The following SMS variants were observed in gnomAD, a reference collection of about 807,000 sequenced individuals.
The protein encoded by SMS is spermidine aminopropyltransferase.
In SMS, 3 loss-of-function variants were observed where a neutral mutation model predicts 33.0. The ratio of observed to expected loss-of-function variants is 0.09; its 90% CI spans 0.04 to 0.23. SMS has a LOEUF of 0.23. SMS is among the 10% of genes least tolerant of loss of function. The pLI is 1.00. For synonymous variants in SMS, 103 were observed against 112.2 expected (o/e 0.92, Z 0.52); for missense variants, 117 against 288.6 (o/e 0.41, Z 4.31).
chrX:21,951,078 C>T (rs1351983828), intron 1 of SMS, among the ~76,000 whole-genome samples: 2 of 112,132 alleles, frequency 1.8e-5, no homozygotes, highest in African/African-American at 3.2e-5. Flanking sequence ...TAAAAGCATT[C>T]CTATTTCTCC....
At chrX:21,957,959 GTT>G (rs59565571) in intron 1 of SMS, among the ~76,000 whole-genome samples, 32 of 94,240 alleles carry the variant, frequency 3.4e-4, no homozygotes, top group African/African-American at 9.1e-4. Context: ...GGGAATATTT[GTT>G]TTTTTTTTTT....
At chrX:21,976,932 G>C in intron 4 of SMS, 129 bp from the exon 5 acceptor site, 3 of 615,905 alleles carry the variant, frequency 4.9e-6, no homozygotes, top group Middle Eastern at 3.4e-4. Flanking sequence ...AAAAGCCCAA[G>C]CTTTGGATTC....
chrX:21,982,206 C>T lies in SMS; in HGVS notation c.751-2098C>T, dbSNP rs1320109462. On this transcript the variant is annotated intron_variant, in intron 7 of 10. Transcript: ENST00000404933. Reference sequence around the variant, plus strand: ...AAAAAAAATTAGCTGGGCGTGGTGGCGGGCACCTGTAGTCTCAGCTACTCG... The same window carrying T: ...AAAAAAAATTAGCTGGGCGTGGTGGTGGGCACCTGTAGTCTCAGCTACTCG... Among the ~76,000 whole-genome samples, 8 of 108,063 alleles carry T rather than the reference C, an allele frequency of 7.4e-5. No homozygotes were observed. In the East Asian group the frequency reaches 1.2e-3, roughly 16 times the overall value. The allele number at this position is 108,063 out of a possible 115,157, so 93.8% of individuals were successfully genotyped here.
intron 1 of SMS, among the ~76,000 whole-genome samples, chrX:21,948,439 C>CTTT (rs59082770): frequency 2.5e-5 from 2 of 80,205 alleles, no homozygotes; most frequent in South Asian, 1.3e-3. Flanking sequence ...GTCAATGTGT[C>CTTT]TTTTTTTTTT....
intron 5 of SMS, among the ~76,000 whole-genome samples, chrX:21,977,644 T>C (rs777814434): frequency 8.9e-6 from 1 of 111,936 alleles, no homozygotes. Flanking sequence ...TCTCATATTA[T>C]TTTGAAGCAG....
At chrX:21,947,534 CCTAGTCAGT>C (rs1248446849) in intron 1 of SMS, among the ~76,000 whole-genome samples, 2 of 112,036 alleles carry the variant, frequency 1.8e-5, no homozygotes, top group African/African-American at 6.5e-5. Flanking sequence ...AACCAGTCAG[CCTAGTCAGT>C]CTCATTAAGT....
chrX:21,953,300 G>A (rs1922742806), intron 1 of SMS, among the ~76,000 whole-genome samples: 1 of 107,773 alleles, frequency 9.3e-6, no homozygotes, highest in Non-Finnish European at 1.9e-5. Context: ...GTGGGGGCAG[G>A]GGGAGATCTG....
At chrX:21,972,369 A>T in intron 3 of SMS, 138 bp from the exon 4 acceptor site, 1 of 508,616 alleles carries the variant, frequency 2.0e-6, no homozygotes, top group Admixed American at 2.8e-5. Context: ...CCAGGCGTCT[A>T]CAGGCTGCTA....
At chrX:21,960,619 T>C (rs1923275235) in intron 1 of SMS, among the ~76,000 whole-genome samples, 1 of 112,196 alleles carries the variant, frequency 8.9e-6, no homozygotes, top group African/African-American at 3.2e-5. Context: ...ACCGTACTAA[T>C]ACAGTTTGTA....
intron 5 of SMS, among the ~76,000 whole-genome samples, chrX:21,977,571 G>A (rs752596496): frequency 3.6e-5 from 4 of 112,098 alleles, no homozygotes; most frequent in African/African-American, 1.3e-4. Context: ...TTACCATCGA[G>A]TGTGAACAAT....
Position 21,940,877 on chromosome X carries a change from A to T in SMS, c.49+4A>T. The T allele has an allele frequency of 9.2e-7, 1 of 1,081,980 alleles. No homozygotes were observed. Among genetic ancestry groups the T allele is most frequent in the Non-Finnish European group, 1.2e-6 (1 of 831,696 alleles). The allele number at this position is 1,081,980 out of a possible 1,213,427, so 89.2% of individuals were successfully genotyped here. A position where few individuals can be genotyped will look rare whatever the true frequency, so the allele number is the denominator to read the frequency against. On this transcript the variant is annotated splice_donor_region_variant and intron_variant, in intron 1 of 10. Coordinates refer to ENST00000404933, the MANE Select transcript of SMS (RefSeq NM_004595.5). ...GACTTCATGCTCGGCGCCAAAGGTG[A>T]GGGCGCCCGCCGCCACCTGCGTGGC...
Position 21,994,794 on chromosome X carries a change from T to TA in SMS, c.*452dup, listed in dbSNP as rs3216777. 171 of 732,694 alleles carry TA rather than the reference T, an allele frequency of 2.3e-4. No individual in the cohort carries two copies. In the East Asian group the frequency reaches 4.0e-3, roughly 17 times the overall value. The allele number at this position is 732,694 out of a possible 1,213,427, so 60.4% of individuals were successfully genotyped here. On this transcript the variant is annotated 3_prime_UTR_variant, in exon 11 of 11. Transcript: ENST00000404933. Reference sequence around the variant, plus strand: ...AAATTTGGTGCTTATAAGAGAGAGTTAAAAAAAAATAGGATTGCTTCAATT... The same window carrying TA: ...AAATTTGGTGCTTATAAGAGAGAGTTAAAAAAAAAATAGGATTGCTTCAATT...
chrX:21,945,986 A>G (rs1190230689), intron 1 of SMS, among the ~76,000 whole-genome samples: 1 of 112,100 alleles, frequency 8.9e-6, no homozygotes, highest in African/African-American at 3.2e-5. Context: ...AAGTTTCATA[A>G]GTAGAGCTGA....
chrX:21,983,100 G>A (rs1466251803), intron 7 of SMS, among the ~76,000 whole-genome samples: 2 of 111,254 alleles, frequency 1.8e-5, no homozygotes, highest in African/African-American at 3.3e-5. Context: ...AGTGGTGCGC[G>A]ATGATCATGG....
At chrX:21,956,618 C>A (rs1204711240) in intron 1 of SMS, among the ~76,000 whole-genome samples, 1 of 111,016 alleles carries the variant, frequency 9.0e-6, no homozygotes. Flanking sequence ...TACAGGCATG[C>A]GCCACCACGC....
Position 21,994,308 on chromosome X carries a change from C to T in SMS, c.1062-4C>T. 1.7e-6 allele frequency: 2 copies of T among 1,206,074 alleles called. No individual in the cohort carries two copies. ...CTGCTTTTATTCCTTGACTCCCTGT[C>T]CAGGTGGGTATTTTACACTGTTTGG... On this transcript the variant is annotated splice_region_variant and splice_polypyrimidine_tract_variant and intron_variant, in intron 10 of 10. Coordinates refer to ENST00000404933, the MANE Select transcript of SMS (RefSeq NM_004595.5).
chrX:21,970,963 A>AAGGCAG (rs1309850857), intron 2 of SMS, among the ~76,000 whole-genome samples: 1 of 109,232 alleles, frequency 9.2e-6, no homozygotes, highest in Non-Finnish European at 1.9e-5. Flanking sequence ...TTGGGAGGCC[A>AAGGCAG]AGGCAGGTGG....
chrX:21,970,571 T>C (rs1053614307), intron 2 of SMS, among the ~76,000 whole-genome samples: 4 of 109,510 alleles, frequency 3.7e-5, no homozygotes, highest in Non-Finnish European at 7.6e-5. Flanking sequence ...TTTTGTTTTA[T>C]TTTAAATTTT....
chrX:21,981,814 A>G (rs909455250), intron 7 of SMS, among the ~76,000 whole-genome samples: 5 of 111,694 alleles, frequency 4.5e-5, no homozygotes, highest in Non-Finnish European at 9.4e-5. Flanking sequence ...TGGAGTTCAG[A>G]AATCTCTTAA....
Sources: allele counts gnomAD v4.1 joint callset (sites outside exome capture counted in the v4.1 genomes callset), GRCh38; gene constraint gnomAD v4.1.1; transcripts MANE v1.5; gene names NCBI Gene and HGNC (gene_info 2026-07-23, HGNC 2026-07-21).